FSTL5: variants seen among roughly 807,000 people sequenced by gnomAD.
FSTL5 encodes the protein follistatin-related protein 5.
FSTL5 carries 62 observed loss-of-function variants against 89.1 expected under a neutral mutation model. The ratio of observed to expected loss-of-function variants is 0.70; its 90% CI spans 0.57 to 0.86. The LOEUF (loss-of-function observed/expected upper bound fraction) is 0.86, where lower values mean the gene tolerates loss of function less well. FSTL5 is among the 40% of genes least tolerant of loss of function. The pLI is 0.00. For synonymous variants in FSTL5, 383 were observed against 346.2 expected, an observed-to-expected ratio of 1.11 and a Z score of -1.18; for missense variants, 1,057 against 1,001.6, an observed-to-expected ratio of 1.06 and a Z score of -0.75.
intron 4 of FSTL5, among the ~76,000 whole-genome samples, chr4:161,896,298 G>A (rs1290439877): frequency 6.6e-6 from 1 of 152,074 alleles, no homozygotes; most frequent in Non-Finnish European, 1.5e-5. Context: ...ACATGAATAT[G>A]GCTAAATGTT....
chr4:161,527,314 A>C (rs1009962013), intron 10 of FSTL5, among the ~76,000 whole-genome samples: 6 of 152,176 alleles, frequency 3.9e-5, no homozygotes, highest in African/African-American at 1.4e-4. Flanking sequence ...TAAACTAAAG[A>C]GCTTCTGCAC....
intron 3 of FSTL5, among the ~76,000 whole-genome samples, chr4:162,031,511 G>A (rs560844609): frequency 6.6e-6 from 1 of 152,074 alleles, no homozygotes. Flanking sequence ...TTTTAAAGAG[G>A]TCATTCCTAA....
At chr4:162,008,495 G>A (rs530935180) in intron 3 of FSTL5, among the ~76,000 whole-genome samples, 20 of 151,868 alleles carry the variant, frequency 1.3e-4, no homozygotes, top group Admixed American at 4.6e-4. Context: ...GGGAAATCAC[G>A]TTATTTTAAT....
chr4:161,755,910 C>T (rs1183910658), intron 6 of FSTL5, among the ~76,000 whole-genome samples: 1 of 151,882 alleles, frequency 6.6e-6, no homozygotes, highest in Non-Finnish European at 1.5e-5. Flanking sequence ...CTTCACAAAA[C>T]CCAAGTGGAT....
chr4:162,119,858 C>A (rs1481152066), intron 1 of FSTL5, among the ~76,000 whole-genome samples: 1 of 152,092 alleles, frequency 6.6e-6, no homozygotes, highest in African/African-American at 2.4e-5. Flanking sequence ...TATCCTCCAT[C>A]TCTAGTTTTA....
chr4:162,137,789 C>G (rs1732574673), intron 1 of FSTL5, among the ~76,000 whole-genome samples: 1 of 152,176 alleles, frequency 6.6e-6, no homozygotes, highest in South Asian at 2.1e-4. Flanking sequence ...CTAATTATAA[C>G]TATATGATAC....
At chr4:161,891,971 A>T (rs1733002423) in intron 4 of FSTL5, among the ~76,000 whole-genome samples, 1 of 152,070 alleles carries the variant, frequency 6.6e-6, no homozygotes, top group Non-Finnish European at 1.5e-5. Context: ...GGAAGTCCAT[A>T]TGAATGACTA....
chr4:162,142,772 C>A (rs946154547), intron 1 of FSTL5, among the ~76,000 whole-genome samples: 2 of 152,134 alleles, frequency 1.3e-5, no homozygotes, highest in Non-Finnish European at 2.9e-5. Flanking sequence ...CATAAACATG[C>A]ATACCTGCAT....
At position 161,808,125 on chromosome 4, in the gene FSTL5, C is replaced by A. The variant is rs1730023846; in HGVS notation, c.410-32051G>T. Among the ~76,000 whole-genome samples the A allele has an allele frequency of 2.6e-5, 4 of 151,820 alleles. No homozygotes were observed. In the Middle Eastern group the frequency reaches 0.014, roughly 516 times the overall value. ...TGGGGGCAATGTAGAAAAAAAGAAA[C>A]CAAGTGATATAGTTTTTAGAGAAAA... On this transcript the variant is annotated intron_variant, in intron 4 of 15. Coordinates refer to ENST00000306100, the MANE Select transcript of FSTL5 (RefSeq NM_020116.5).
rs1160756054 is a variant in FSTL5, at chr4:161,551,694, C to T, written c.1016-9001G>A. Among the ~76,000 whole-genome samples the T allele has an allele frequency of 8.6e-5, 13 of 151,994 alleles. No homozygotes were observed. The East Asian group carries it at 1.2e-3, about 14-fold the overall frequency. On this transcript the variant is annotated intron_variant, in intron 8 of 15. Coordinates refer to ENST00000306100, the MANE Select transcript of FSTL5 (RefSeq NM_020116.5). ...AGAAATAATGCCGCATATCTACAAC[C>T]GTCTGATCTTTGACAAACCTGAGAA...
chr4:161,705,987 T>C (rs1560800327), intron 6 of FSTL5, among the ~76,000 whole-genome samples: 8 of 94,874 alleles, frequency 8.4e-5, no homozygotes, highest in Non-Finnish European at 1.5e-4. Context: ...TATATATATA[T>C]ATATATATAC....
At chr4:161,485,929 G>T (rs2126461234) in intron 12 of FSTL5, among the ~76,000 whole-genome samples, 1 of 152,122 alleles carries the variant, frequency 6.6e-6, no homozygotes, top group South Asian at 2.1e-4. Context: ...CTTGAGTTCA[G>T]GAGTTCAAGA....
chr4:161,724,981 G>A (rs1156465677), intron 6 of FSTL5, among the ~76,000 whole-genome samples: 2 of 152,122 alleles, frequency 1.3e-5, no homozygotes, highest in Admixed American at 6.5e-5. Context: ...TGGATAACAA[G>A]GTTAAGAGAT....
At chr4:161,514,720 A>T (rs1202584165) in intron 10 of FSTL5, among the ~76,000 whole-genome samples, 2 of 152,158 alleles carry the variant, frequency 1.3e-5, no homozygotes, top group African/African-American at 2.4e-5. Context: ...CTAAGAAACA[A>T]ATATAAATTG....
At chr4:161,526,971 C>T (rs1395672017) in intron 10 of FSTL5, among the ~76,000 whole-genome samples, 2 of 152,074 alleles carry the variant, frequency 1.3e-5, no homozygotes, top group Non-Finnish European at 2.9e-5. Context: ...TTTTCCAATT[C>T]TGTGAAGAAA....
intron 10 of FSTL5, among the ~76,000 whole-genome samples, chr4:161,534,036 C>A (rs549205336): frequency 3.3e-5 from 5 of 152,100 alleles, no homozygotes; most frequent in Middle Eastern, 3.4e-3. Flanking sequence ...AATATTCATT[C>A]ACGGTAAAAC....
intron 3 of FSTL5, among the ~76,000 whole-genome samples, chr4:161,985,718 T>A (rs961473844): frequency 6.6e-6 from 1 of 151,902 alleles, no homozygotes; most frequent in Non-Finnish European, 1.5e-5. Context: ...TAGTTTTTGA[T>A]GACACATTAT....
intron 2 of FSTL5, among the ~76,000 whole-genome samples, chr4:162,104,180 C>G (rs1017939608): frequency 7.9e-5 from 12 of 152,220 alleles, no homozygotes; most frequent in Non-Finnish European, 1.5e-5. Flanking sequence ...ATTGCCACTC[C>G]CTATTGGGCT....
chr4:162,069,049 T>C (rs1729480088), intron 2 of FSTL5, among the ~76,000 whole-genome samples: 2 of 152,062 alleles, frequency 1.3e-5, no homozygotes. Flanking sequence ...AAACAACAGA[T>C]GCTGGTGATG....
Sources: allele counts gnomAD v4.1 joint callset (sites outside exome capture counted in the v4.1 genomes callset), GRCh38; gene constraint gnomAD v4.1.1; transcripts MANE v1.5; gene names NCBI Gene and HGNC (gene_info 2026-07-23, HGNC 2026-07-21).